The following STXBP5L variants were observed in gnomAD, a reference collection of about 807,000 sequenced individuals.
STXBP5L encodes the protein syntaxin binding protein 5L, also known as syntaxin-binding protein 5-like.
In STXBP5L, 65 loss-of-function variants were observed where a neutral mutation model predicts 144.5. The observed-to-expected ratio is 0.45, with a 90% CI of 0.37 to 0.55. The LOEUF is 0.55. STXBP5L is among the 20% of genes least tolerant of loss of function. STXBP5L has a pLI of 0.00. For missense variants in STXBP5L, 1,298 were observed against 1,405.5 expected (o/e 0.92, Z 1.22); for synonymous variants, 505 against 469.6 (o/e 1.08, Z -0.97).
intron 9 of STXBP5L, among the ~76,000 whole-genome samples, chr3:121,164,754 G>A (rs1008534362): frequency 1.3e-5 from 2 of 152,142 alleles, no homozygotes; most frequent in Non-Finnish European, 1.5e-5. Context: ...AGCTGAACCT[G>A]GAGGACATTA....
chr3:121,009,234 T>C (rs35769900), intron 3 of STXBP5L, among the ~76,000 whole-genome samples: 2,946 of 152,072 alleles, frequency 0.019, 47 homozygotes, highest in Non-Finnish European at 0.028. Flanking sequence ...ATGTACTATG[T>C]TAGGCATTGA....
At chr3:121,229,765 G>A (rs539737896) in intron 11 of STXBP5L, among the ~76,000 whole-genome samples, 3 of 151,986 alleles carry the variant, frequency 2.0e-5, no homozygotes, top group African/African-American at 7.2e-5. Context: ...TGTTACCCAG[G>A]GTGGTCTCAA....
At chr3:121,072,100 G>A (rs994260954) in intron 5 of STXBP5L, among the ~76,000 whole-genome samples, 1 of 152,202 alleles carries the variant, frequency 6.6e-6, no homozygotes, top group African/African-American at 2.4e-5. Flanking sequence ...CACAAATGCT[G>A]GGCCATTGTC....
At chr3:121,325,840 T>G (rs1255140328) in intron 20 of STXBP5L, among the ~76,000 whole-genome samples, 1 of 151,962 alleles carries the variant, frequency 6.6e-6, no homozygotes, top group Non-Finnish European at 1.5e-5. Flanking sequence ...TGTTCTTATT[T>G]TGTATGAATG....
chr3:121,311,953 C>T (rs2043544036), intron 19 of STXBP5L, among the ~76,000 whole-genome samples: 1 of 152,136 alleles, frequency 6.6e-6, no homozygotes, highest in Admixed American at 6.5e-5. Flanking sequence ...TACTACAAGG[C>T]TAGAGTAACC....
intron 5 of STXBP5L, among the ~76,000 whole-genome samples, chr3:121,061,790 C>G (rs932465311): frequency 6.6e-6 from 1 of 152,156 alleles, no homozygotes; most frequent in Non-Finnish European, 1.5e-5. Flanking sequence ...GGGATTGCAA[C>G]CCCTGCTTTA....
At chr3:121,217,497 C>T (rs543192373) in intron 10 of STXBP5L, among the ~76,000 whole-genome samples, 20 of 152,068 alleles carry the variant, frequency 1.3e-4, no homozygotes, top group Non-Finnish European at 2.6e-4. Context: ...TCTGCTCACC[C>T]TCCGTGGTCT....
chr3:121,140,835 G>A (rs575917854), intron 7 of STXBP5L, among the ~76,000 whole-genome samples: 2 of 152,228 alleles, frequency 1.3e-5, no homozygotes, highest in South Asian at 2.1e-4. Context: ...TGTATTACAA[G>A]GTGATTATAG....
At chr3:121,155,725 G>A (rs1445888049) in intron 8 of STXBP5L, among the ~76,000 whole-genome samples, 1 of 151,644 alleles carries the variant, frequency 6.6e-6, no homozygotes, top group Admixed American at 6.6e-5. Context: ...ACTCAGTAAT[G>A]CACTATATGA....
intron 2 of STXBP5L, among the ~76,000 whole-genome samples, chr3:120,910,549 A>G (rs1443326245): frequency 6.6e-6 from 1 of 152,130 alleles, no homozygotes; most frequent in Non-Finnish European, 1.5e-5. Context: ...GAATGTGCCT[A>G]TTATATGCAA....
intron 19 of STXBP5L, among the ~76,000 whole-genome samples, chr3:121,314,503 G>A (rs1577436061): frequency 1.4e-5 from 2 of 146,618 alleles, no homozygotes; most frequent in Admixed American, 6.8e-5. Flanking sequence ...GCTGAGGCAG[G>A]AGAATCAGGC....
chr3:121,212,546 G>A (rs2048616375), intron 10 of STXBP5L, among the ~76,000 whole-genome samples: 1 of 152,080 alleles, frequency 6.6e-6, no homozygotes. Flanking sequence ...TTATTTCTGA[G>A]GACTCGGTTC....
rs750146821 is a variant in STXBP5L at position 121,115,056 on chromosome 3, A to T, written c.602A>T (p.Glu201Val). 6.2e-7 allele frequency: 1 copy of T among 1,600,682 alleles called. No homozygotes were observed. The highest frequency in any genetic ancestry group is 8.5e-7 in the Non-Finnish European group (1 of 1,175,764). The change falls in exon 6 of 27, where the codon GAA becomes GTA. Residue 201 changes from glutamate (E) to valine (V), a missense_variant. By Grantham distance (121) the Glu-to-Val change is moderately radical. Coordinates refer to ENST00000471454, the MANE Select transcript of STXBP5L (RefSeq NM_001308330.2). Reference protein sequence around the residue: ...GYVIMWNKAIELSTKTHPGPV... With the variant: ...GYVIMWNKAIVLSTKTHPGPV... ...GTTATCATGTGGAACAAGGCAATTG[A>T]ACTGTAAGTTTGAACTTGGATATCA... is the stretch of plus-strand genomic sequence containing the variant.
At chr3:121,003,538 C>T (rs1339127299) in intron 3 of STXBP5L, among the ~76,000 whole-genome samples, 4 of 152,142 alleles carry the variant, frequency 2.6e-5, no homozygotes, top group African/African-American at 7.2e-5. Context: ...TTTTGCTGTG[C>T]AGAAGCTCTT....
At chr3:121,283,895 T>TTGTGTGTGTGTGTG (rs59432986) in intron 19 of STXBP5L, among the ~76,000 whole-genome samples, 6 of 116,164 alleles carry the variant, frequency 5.2e-5, no homozygotes, top group African/African-American at 2.0e-4. Flanking sequence ...GTGTGTGTGC[T>TTGTGTGTGTGTGTG]TGTGTGTGTG....
intron 9 of STXBP5L, among the ~76,000 whole-genome samples, chr3:121,180,838 A>G (rs1241880065): frequency 6.6e-6 from 1 of 152,148 alleles, no homozygotes; most frequent in Non-Finnish European, 1.5e-5. Flanking sequence ...GTGCCATTGC[A>G]CTCCAGCCTG....
At chr3:121,015,104 A>G (rs928992397) in intron 3 of STXBP5L, among the ~76,000 whole-genome samples, 2 of 152,102 alleles carry the variant, frequency 1.3e-5, no homozygotes, top group African/African-American at 4.8e-5. Context: ...TAGAGATTCA[A>G]TCCAATCCTA....
intron 18 of STXBP5L, among the ~76,000 whole-genome samples, chr3:121,273,411 A>C (rs956408293): frequency 1.3e-5 from 2 of 151,974 alleles, no homozygotes; most frequent in African/African-American, 4.8e-5. Context: ...GTATGTAACA[A>C]GTTACTATTC....
intron 5 of STXBP5L, among the ~76,000 whole-genome samples, chr3:121,075,868 G>C (rs565855672): frequency 5.2e-4 from 79 of 152,316 alleles, no homozygotes; most frequent in Non-Finnish European, 8.2e-4. Context: ...GCCTGCAGGT[G>C]CATTGTTCTC....
Sources: allele counts gnomAD v4.1 joint callset (sites outside exome capture counted in the v4.1 genomes callset), GRCh38; gene constraint gnomAD v4.1.1; transcripts MANE v1.5; gene names NCBI Gene and HGNC (gene_info 2026-07-23, HGNC 2026-07-21).